CSNK2A2: variants seen among roughly 807,000 people sequenced by gnomAD.
The protein encoded by CSNK2A2 is casein kinase II subunit alpha'.
Under a neutral mutation model 54.0 loss-of-function variants are expected in CSNK2A2, and 8 were observed. That is an observed-to-expected ratio of 0.15 (90% confidence interval 0.09 to 0.27). CSNK2A2 has a LOEUF of 0.27. Among genes scored for constraint, CSNK2A2 ranks in the 10% least tolerant of loss-of-function variants. The probability of loss-of-function intolerance (pLI) is 1.00; values close to 1 mark genes in which losing one functional copy is unlikely to be tolerated. For synonymous variants in CSNK2A2, 141 were observed against 153.9 expected, an observed-to-expected ratio of 0.92 and a Z score of 0.62; for missense variants, 242 against 439.4, an observed-to-expected ratio of 0.55 and a Z score of 4.02.
Position 58,174,484 on chromosome 16 carries a change from A to G in CSNK2A2, c.396T>C (p.Phe132=), listed in dbSNP as rs1961824777. 6.2e-7 allele frequency: 1 copy of G among 1,612,810 alleles called. No homozygotes were observed. Among genetic ancestry groups the G allele is most frequent in the Non-Finnish European group, 8.5e-7 (1 of 1,179,574 alleles). ...FKQLYQILTD[F]DIRFYMYELL... is the part of the protein sequence containing the mutation. ...GTTCATACATATAAAACCGGATATC[A>G]AAGTCTGTCAGGATCTGGTAGAGTT... Residue 132 remains phenylalanine (F), a synonymous_variant, in exon 5 of 12, where the codon TTT becomes TTC. Coordinates refer to ENST00000262506, the MANE Select transcript of CSNK2A2 (RefSeq NM_001896.4).
At chr16:58,173,267 T>C (rs1398831047) in intron 5 of CSNK2A2, among the ~76,000 whole-genome samples, 1 of 152,206 alleles carries the variant, frequency 6.6e-6, no homozygotes, top group Non-Finnish European at 1.5e-5. Flanking sequence ...GCCATAAGAG[T>C]GAACCTTAAA....
At chr16:58,162,931 A>G (rs913548296) in intron 11 of CSNK2A2, 3 of 152,214 alleles carry the variant, frequency 2.0e-5, no homozygotes, top group Admixed American at 6.5e-5. Context: ...CAACTCTAGT[A>G]CCTGCATGCA....
intron 2 of CSNK2A2, among the ~76,000 whole-genome samples, chr16:58,194,925 A>T (rs1199045122): frequency 1.1e-5 from 1 of 91,168 alleles, no homozygotes; most frequent in Non-Finnish European, 2.6e-5. Flanking sequence ...CTGTTCCTTT[A>T]AAAAAAAAAA....
intron 10 of CSNK2A2, among the ~76,000 whole-genome samples, chr16:58,164,927 C>A (rs375972819): frequency 3.9e-5 from 6 of 152,266 alleles, no homozygotes; most frequent in African/African-American, 1.4e-4. Context: ...ATTCAGAAAG[C>A]GACTGAGGTA....
At chr16:58,170,194 C>T (rs1032253445) in intron 5 of CSNK2A2, among the ~76,000 whole-genome samples, 20 of 150,876 alleles carry the variant, frequency 1.3e-4, no homozygotes, top group African/African-American at 4.8e-4. Context: ...TAGAACATCT[C>T]CATCACTCCT....
Position 58,196,848 on chromosome 16 carries a change from T to C in CSNK2A2, c.105-4A>G. 2 of 1,566,714 alleles carry C rather than the reference T, an allele frequency of 1.3e-6. No homozygotes were observed. Among genetic ancestry groups the C allele is most frequent in the Non-Finnish European group, 1.8e-6 (2 of 1,136,856 alleles). On this transcript the variant is annotated splice_polypyrimidine_tract_variant and splice_region_variant and intron_variant, in intron 1 of 11. Transcript: ENST00000262506. ...CAGTTGGTAATCATCTTGATTACTGTAAAAGGAAGACACACACATAAATGC... is the reference window on the plus strand; with the variant it reads ...CAGTTGGTAATCATCTTGATTACTGCAAAAGGAAGACACACACATAAATGC...
intron 4 of CSNK2A2, 148 bp downstream of exon 4, chr16:58,184,112 C>A (rs1962133361): frequency 1.8e-5 from 11 of 619,126 alleles, no homozygotes. Context: ...CTTTCTGCAT[C>A]CTGCACTCAT....
intron 4 of CSNK2A2, among the ~76,000 whole-genome samples, chr16:58,175,957 T>G (rs1961867440): frequency 6.6e-6 from 1 of 152,166 alleles, no homozygotes; most frequent in South Asian, 2.1e-4. Flanking sequence ...CAGGAGAGCT[T>G]CAGCTACATA....
chr16:58,196,980 T>A, intron 1 of CSNK2A2, 136 bp from the exon 2 acceptor site: 1 of 703,770 alleles, frequency 1.4e-6, no homozygotes. Flanking sequence ...ACTCATTCCC[T>A]AAATGAAAGC....
At chr16:58,174,661 C>A in intron 4 of CSNK2A2, 151 bp from the exon 5 acceptor site, 21 of 476,808 alleles carry the variant, frequency 4.4e-5, no homozygotes, top group South Asian at 3.8e-4. Context: ...AATGGGAAGA[C>A]TAAAGATGAA....
intron 2 of CSNK2A2, 150 bp downstream of exon 2, chr16:58,196,583 C>T: frequency 1.6e-6 from 1 of 634,698 alleles, no homozygotes; most frequent in Non-Finnish European, 2.9e-6. Context: ...TGCACTCCAG[C>T]CTGGGTGACA....
intron 2 of CSNK2A2, among the ~76,000 whole-genome samples, chr16:58,188,982 A>C (rs1397831340): frequency 3.1e-5 from 4 of 128,620 alleles, no homozygotes; most frequent in African/African-American, 6.3e-5. Flanking sequence ...TTTGAGACGG[A>C]GTCTCACTCC....
intron 2 of CSNK2A2, among the ~76,000 whole-genome samples, chr16:58,193,079 T>A (rs1157766089): frequency 6.6e-6 from 1 of 152,262 alleles, no homozygotes; most frequent in East Asian, 1.9e-4. Flanking sequence ...GCACTACTTT[T>A]ATACCATGAG....
rs1332403977 is a variant in CSNK2A2, at chr16:58,158,060, G to A, written c.*311C>T. The A allele has an allele frequency of 6.5e-6, 1 of 152,702 alleles. No individual in the cohort carries two copies. The highest frequency in any genetic ancestry group is 1.5e-5 in the Non-Finnish European group (1 of 68,060). The allele number at this position is 152,702 out of a possible 1,614,324, so 9.5% of individuals were successfully genotyped here. ...GGAAAAACAGGCGGCCACGGGACGAGTCGAGGGGCTCGGGGAGCAACAGTA... is the reference window on the plus strand; with the variant it reads ...GGAAAAACAGGCGGCCACGGGACGAATCGAGGGGCTCGGGGAGCAACAGTA... On this transcript the variant is annotated 3_prime_UTR_variant, in exon 12 of 12. Coordinates refer to ENST00000262506, the MANE Select transcript of CSNK2A2 (RefSeq NM_001896.4).
At chr16:58,159,303 C>T (rs1961253491) in intron 11 of CSNK2A2, among the ~76,000 whole-genome samples, 1 of 152,208 alleles carries the variant, frequency 6.6e-6, no homozygotes, top group Non-Finnish European at 1.5e-5. Flanking sequence ...TTCACAAATG[C>T]AGAGCACCAG....
chr16:58,161,550 G>GACAC (rs1210167503), intron 11 of CSNK2A2: 1 of 128,100 alleles, frequency 7.8e-6, no homozygotes, highest in African/African-American at 4.6e-5. Flanking sequence ...CACACACACA[G>GACAC]ACACACACAC....
At chr16:58,171,549 G>C (rs765576048) in intron 5 of CSNK2A2, among the ~76,000 whole-genome samples, 1 of 151,926 alleles carries the variant, frequency 6.6e-6, no homozygotes, top group Non-Finnish European at 1.5e-5. Flanking sequence ...ATCAAGAACA[G>C]GCACTACTAA....
chr16:58,163,264 AAAAAAAAAAAAAAG>A (rs1961445461), intron 11 of CSNK2A2: 1 of 149,104 alleles, frequency 6.7e-6, no homozygotes, highest in Non-Finnish European at 1.5e-5. Context: ...AAAAAAAAAA[AAAAAAAAAAAAAAG>A]AAAAAGCAAC....
At chr16:58,179,240 C>T (rs965029915) in intron 4 of CSNK2A2, among the ~76,000 whole-genome samples, 1 of 152,150 alleles carries the variant, frequency 6.6e-6, no homozygotes, top group Admixed American at 6.5e-5. Context: ...TGGCTCAAGC[C>T]TGTAATCCCA....
Sources: allele counts gnomAD v4.1 joint callset (sites outside exome capture counted in the v4.1 genomes callset), GRCh38; gene constraint gnomAD v4.1.1; transcripts MANE v1.5; gene names NCBI Gene and HGNC (gene_info 2026-07-23, HGNC 2026-07-21).